Variants in MS4A6A observed in about 807,000 individuals in gnomAD.
MS4A6A encodes membrane spanning 4-domains A6A, also known as membrane-spanning 4-domains subfamily A member 6A.
In MS4A6A, 19 loss-of-function variants were observed where a neutral mutation model predicts 20.6. That is an observed-to-expected ratio of 0.92 (90% CI 0.64 to 1.36). The LOEUF is 1.36. MS4A6A is among the 40% of genes most tolerant of loss of function. The probability of loss-of-function intolerance (pLI) is 0.00; values close to 1 mark genes in which losing one functional copy is unlikely to be tolerated. For synonymous variants in MS4A6A, 108 were observed against 105.0 expected (o/e 1.03, Z -0.17); for missense variants, 272 against 261.1 (o/e 1.04, Z -0.29).
intron 5 of MS4A6A, among the ~76,000 whole-genome samples, chr11:60,173,417 T>C (rs990408257): frequency 2.0e-5 from 3 of 152,232 alleles, no homozygotes; most frequent in African/African-American, 7.2e-5. Flanking sequence ...CTGATGACAT[T>C]GTTCACTCGG....
intron 4 of MS4A6A, among the ~76,000 whole-genome samples, chr11:60,176,288 GT>G (rs1278585211): frequency 6.6e-6 from 1 of 152,178 alleles, no homozygotes; most frequent in African/African-American, 2.4e-5. Context: ...ATGGTGTAAT[GT>G]GTGGGAGGCA....
intron 5 of MS4A6A, among the ~76,000 whole-genome samples, chr11:60,174,016 A>T (rs1856712488): frequency 6.6e-6 from 1 of 152,222 alleles, no homozygotes. Context: ...TCTTATTTCC[A>T]ATGTAAAATC....
chr11:60,173,601 A>G (rs1180394518), intron 5 of MS4A6A, among the ~76,000 whole-genome samples: 2 of 152,262 alleles, frequency 1.3e-5, no homozygotes, highest in Non-Finnish European at 2.9e-5. Context: ...AGAAATTTGT[A>G]AGGATCAAGG....
chr11:60,183,101 C>T (rs978546612), upstream of MS4A6A: 9 of 1,524,556 alleles, frequency 5.9e-6, no homozygotes, highest in Non-Finnish European at 7.0e-6. Context: ...CTTCCTTATT[C>T]CAGTGTTTAC....
chr11:60,175,427 C>G lies in MS4A6A; in HGVS notation c.524G>C (p.Cys175Ser), dbSNP rs752106359. 1 of 1,614,042 alleles carries G rather than the reference C, an allele frequency of 6.2e-7. No homozygotes were observed. The highest frequency in any genetic ancestry group is 8.5e-7 in the Non-Finnish European group (1 of 1,179,948). The change falls in exon 5 of 6, where the codon TGC (cysteine) becomes TCC (serine). Residue 175 changes from cysteine to serine, a missense_variant. Transcript: ENST00000528851. ...FYHDSLYTTD[C>S]YTAKASLAGT... ...AGCCAGACTGGCTTTGGCTGTATAG[C>G]AGTCCGTGGTATAAAGTGAATCATG...
At chr11:60,179,565 A>G (rs1857019600) in intron 3 of MS4A6A, 6 of 586,492 alleles carry the variant, frequency 1.0e-5, no homozygotes, top group African/African-American at 1.9e-5. Context: ...CTAAACCTGG[A>G]GAGAAGTCAC....
At chr11:60,177,188 A>T (rs1856886421) in intron 4 of MS4A6A, 2 of 152,232 alleles carry the variant, frequency 1.3e-5, no homozygotes, top group South Asian at 4.1e-4. Context: ...CCATCCTCAA[A>T]GAAAGTTAAA....
intron 5 of MS4A6A, among the ~76,000 whole-genome samples, chr11:60,174,395 C>T (rs1856733580): frequency 6.6e-6 from 1 of 150,972 alleles, no homozygotes; most frequent in African/African-American, 2.4e-5. Context: ...GTGATCTCAG[C>T]TCACTGCAAC....
chr11:60,173,260 A>G, intron 5 of MS4A6A, 131 bp from the exon 6 acceptor site: 2 of 756,716 alleles, frequency 2.6e-6, no homozygotes, highest in Non-Finnish European at 4.4e-6. Flanking sequence ...CATCAGGAAG[A>G]TAAAACTGCT....
chr11:60,183,161 T>C (rs2083829862), upstream of MS4A6A: 2 of 1,535,934 alleles, frequency 1.3e-6, no homozygotes, highest in Non-Finnish European at 1.7e-6. Context: ...GAAATGTTCC[T>C]GCACTTCCTT....
rs994927036 is a variant in MS4A6A, at chr11:60,180,066, A to G, written c.148-101T>C. 5.1e-6 allele frequency: 6 copies of G among 1,183,836 alleles called. No homozygotes were observed. The Admixed American group carries it at 1.2e-4, about 24-fold the overall frequency. 73.3% of individuals were successfully genotyped at this position (1,183,836 alleles called of 1,614,324 possible). A position where few individuals can be genotyped will look rare whatever the true frequency, so the allele number is the denominator to read the frequency against. On this transcript the variant is annotated intron_variant, in intron 2 of 5. Transcript: ENST00000528851. ...CACTAATGCATTATCGCCTTCTGCA[A>G]GATCCTAATGAGGATACAAACCCTG...
intron 2 of MS4A6A, 65 bp from the exon 3 acceptor site, chr11:60,180,030 C>A: frequency 6.5e-7 from 1 of 1,530,056 alleles, no homozygotes; most frequent in South Asian, 1.2e-5. Flanking sequence ...GCCTTTTTGC[C>A]GCTCCCATGG....
downstream of MS4A6A, chr11:60,172,235 G>C: frequency 1.2e-6 from 2 of 1,613,412 alleles, no homozygotes; most frequent in Non-Finnish European, 1.7e-6. Flanking sequence ...ATGTAACTGT[G>C]AGGCAGGAAA....
chr11:60,181,873 TG>T, intron 1 of MS4A6A, 132 bp from the exon 2 acceptor site: 1 of 858,800 alleles, frequency 1.2e-6, no homozygotes, highest in East Asian at 2.5e-5. Context: ...ACTGATAGTA[TG>T]GAACAGTGAA....
At chr11:60,171,998 G>A (rs1590661006), downstream of MS4A6A, 13 of 649,554 alleles carry the variant, frequency 2.0e-5, no homozygotes, top group East Asian at 3.6e-4. Flanking sequence ...GATCCCCAAT[G>A]AACACATATC....
chr11:60,178,892 C>A (rs560260285), intron 3 of MS4A6A: 38 of 416,224 alleles, frequency 9.1e-5, no homozygotes, highest in South Asian at 6.0e-4. Flanking sequence ...AAATCTCAGC[C>A]AGCGCTACCC....
At chr11:60,183,501 T>A (rs1303209696), upstream of MS4A6A, among the ~76,000 whole-genome samples, 1 of 152,200 alleles carries the variant, frequency 6.6e-6, no homozygotes, top group African/African-American at 2.4e-5. Flanking sequence ...TGTCTATAAC[T>A]AACCATAATA....
rs1465468733 is a variant in MS4A6A, at chr11:60,178,240, G to A, written c.339+20C>T. 2 of 1,602,288 alleles carry A rather than the reference G, an allele frequency of 1.2e-6. No individual in the cohort carries two copies. Among genetic ancestry groups the A allele is most frequent in the Non-Finnish European group, 1.7e-6 (2 of 1,169,460 alleles). ...TTTATTTTGATCCATTGGGTTGTGG[G>A]TTATAGCTCTCTTACTCACCAAAAG... is the stretch of plus-strand genomic sequence containing the variant. On this transcript the variant is annotated intron_variant, in intron 4 of 5. Coordinates refer to ENST00000528851, the MANE Select transcript of MS4A6A (RefSeq NM_022349.4).
chr11:60,179,447 A>G (rs1857012688), intron 3 of MS4A6A: 1 of 534,008 alleles, frequency 1.9e-6, no homozygotes, highest in African/African-American at 1.9e-5. Flanking sequence ...GGGGGATAAC[A>G]GTGTGGTTTC....
Sources: allele counts gnomAD v4.1 joint callset (sites outside exome capture counted in the v4.1 genomes callset), GRCh38; gene constraint gnomAD v4.1.1; transcripts MANE v1.5; gene names NCBI Gene and HGNC (gene_info 2026-07-23, HGNC 2026-07-21).